SLC13A3: variants seen among roughly 807,000 people sequenced by gnomAD.
SLC13A3 encodes solute carrier family 13 member 3.
A neutral mutation model predicts 59.0 loss-of-function variants in SLC13A3; 40 were observed. The observed-to-expected ratio is 0.68, with a 90% CI of 0.53 to 0.88. SLC13A3 has a LOEUF of 0.88. Among genes scored for constraint, SLC13A3 ranks in the 40% least tolerant of loss-of-function variants. The pLI, the probability that SLC13A3 is intolerant of heterozygous loss-of-function variation, is 0.00. For missense variants in SLC13A3, 699 were observed against 783.2 expected, an observed-to-expected ratio of 0.89 and a Z score of 1.28; for synonymous variants, 317 against 330.3, an observed-to-expected ratio of 0.96 and a Z score of 0.44.
At position 46,590,133 on chromosome 20, in the gene SLC13A3, G is replaced by C. The variant is rs1435292413; in HGVS notation, c.921-878C>G. Among the ~76,000 whole-genome samples, 2 of 151,826 alleles carry C rather than the reference G, an allele frequency of 1.3e-5. 1 individual carries two copies. Among genetic ancestry groups the C allele is most frequent in the African/African-American group, 4.8e-5 (2 of 41,334 alleles). ...GTGTTAGGACACTGGGTGACCATTT[G>C]GGACAAAAAAAAGTGAAGTTGAATC... On this transcript the variant is annotated intron_variant, in intron 6 of 12. Transcript: ENST00000279027.
chr20:46,628,238 G>C (rs1204137251), intron 1 of SLC13A3, among the ~76,000 whole-genome samples: 1 of 152,186 alleles, frequency 6.6e-6, no homozygotes, highest in Non-Finnish European at 1.5e-5. Context: ...AGAGGTGTCT[G>C]ATTTTGCAGA....
chr20:46,568,576 C>T (rs847069), intron 10 of SLC13A3, among the ~76,000 whole-genome samples: 96,342 of 152,000 alleles, frequency 0.63, 30,683 homozygotes, highest in East Asian at 0.65. Flanking sequence ...GTTTCTGGTA[C>T]ACCTGCAGTT....
chr20:46,587,905 G>A (rs564936763), intron 8 of SLC13A3, among the ~76,000 whole-genome samples, 154 bp downstream of exon 8: 1 of 152,292 alleles, frequency 6.6e-6, no homozygotes, highest in Admixed American at 6.5e-5. Context: ...ACTCTTTTGA[G>A]AGTGAAAGAG....
intron 1 of SLC13A3, chr20:46,676,076 T>C (rs1464506936): frequency 6.6e-6 from 1 of 152,110 alleles, no homozygotes; most frequent in African/African-American, 2.4e-5. Context: ...GCCCGGCTAA[T>C]TTTTGTGTTT....
intron 12 of SLC13A3, among the ~76,000 whole-genome samples, chr20:46,562,438 G>T (rs1397283468): frequency 1.3e-5 from 2 of 152,030 alleles, no homozygotes; most frequent in Non-Finnish European, 1.5e-5. Flanking sequence ...GAGGCTGGCG[G>T]CTTCCCATGA....
intron 5 of SLC13A3, among the ~76,000 whole-genome samples, chr20:46,594,417 T>C (rs959201447): frequency 1.3e-5 from 2 of 152,044 alleles, no homozygotes; most frequent in Admixed American, 6.6e-5. Flanking sequence ...ACTGCTCCCC[T>C]CCAATTCTCT....
chr20:46,560,673 T>A (rs2061923239), intron 12 of SLC13A3, among the ~76,000 whole-genome samples: 1 of 152,174 alleles, frequency 6.6e-6, no homozygotes, highest in East Asian at 1.9e-4. Context: ...AACACACATA[T>A]GTACACATAG....
At chr20:46,622,611 G>A (rs1347273949) in intron 1 of SLC13A3, among the ~76,000 whole-genome samples, 2 of 123,974 alleles carry the variant, frequency 1.6e-5, no homozygotes, top group African/African-American at 5.9e-5. Flanking sequence ...GAATTGGTGT[G>A]TGGTGTGTGC....
intron 12 of SLC13A3, among the ~76,000 whole-genome samples, chr20:46,562,243 C>CCAAGT (rs1457071567): frequency 6.6e-6 from 1 of 152,170 alleles, no homozygotes; most frequent in Non-Finnish European, 1.5e-5. Context: ...GAATAAGATA[C>CCAAGT]CAAGTCTGTC....
chr20:46,595,455 T>C (rs2062301677), intron 5 of SLC13A3, among the ~76,000 whole-genome samples: 1 of 152,142 alleles, frequency 6.6e-6, no homozygotes, highest in Non-Finnish European at 1.5e-5. Context: ...GTGGGGAGAC[T>C]TTAGCTCCCA....
intron 3 of SLC13A3, among the ~76,000 whole-genome samples, chr20:46,608,215 T>C (rs2694898): frequency 0.023 from 3,524 of 152,332 alleles, 134 homozygotes; most frequent in African/African-American, 0.08. Flanking sequence ...GAATGGCTTC[T>C]ACATTTTCAA....
At chr20:46,605,610 T>A (rs1600549532) in intron 3 of SLC13A3, among the ~76,000 whole-genome samples, 2 of 151,984 alleles carry the variant, frequency 1.3e-5, no homozygotes. Flanking sequence ...CTGGGGAAAC[T>A]GAGGCCTAGA....
intron 2 of SLC13A3, among the ~76,000 whole-genome samples, chr20:46,612,124 C>CTTTTTTTTTTTTTTTT (rs57019153): frequency 4.4e-5 from 3 of 68,934 alleles, no homozygotes; most frequent in South Asian, 5.5e-4. Flanking sequence ...TCTCTCTTTG[C>CTTTTTTTTTTTTTTTT]TTTTTTTTTT....
intron 6 of SLC13A3, among the ~76,000 whole-genome samples, chr20:46,590,341 A>G (rs2062241065): frequency 6.6e-6 from 1 of 152,188 alleles, no homozygotes; most frequent in Non-Finnish European, 1.5e-5. Context: ...AAAAAAAATT[A>G]AAACAATTCT....
intron 1 of SLC13A3, among the ~76,000 whole-genome samples, chr20:46,638,186 GGGCA>G (rs2062812717): frequency 6.6e-6 from 1 of 152,190 alleles, no homozygotes; most frequent in Non-Finnish European, 1.5e-5. Context: ...ACCTGCGGCT[GGGCA>G]CTCTGTGGTG....
chr20:46,680,124 G>C (rs1169285263), intron 1 of SLC13A3, among the ~76,000 whole-genome samples: 5 of 152,136 alleles, frequency 3.3e-5, no homozygotes, highest in Non-Finnish European at 2.9e-5. Flanking sequence ...CCTTCAGGTA[G>C]GAGTTTTCAG....
chr20:46,566,243 C>T lies in SLC13A3; in HGVS notation c.1480G>A (p.Val494Ile). 1 of 1,613,544 alleles carries T rather than the reference C, an allele frequency of 6.2e-7. No individual in the cohort carries two copies. The highest frequency in any genetic ancestry group is 8.5e-7 in the Non-Finnish European group (1 of 1,179,610). ...AGGACCCTCACCAGCTCTGCCAGGA[C>T]CGGCAGGAAGATGATGATGGTCGCC... is the stretch of plus-strand genomic sequence containing the variant. ...NTATIIIFLP[V>I]LAELAIRLRV... Residue 494 changes from valine (V) to isoleucine (I), a missense_variant, in exon 11 of 13, where the codon GTC becomes ATC. Transcript: ENST00000279027.
chr20:46,632,986 C>T, intron 1 of SLC13A3, among the ~76,000 whole-genome samples: 3 of 151,354 alleles, frequency 2.0e-5, no homozygotes, highest in Non-Finnish European at 2.9e-5. Context: ...TATCTATCAT[C>T]TATCTATCTA....
intron 2 of SLC13A3, 123 bp downstream of exon 2, chr20:46,613,337 A>AAATAAATAAATAAATG (rs1416690795): frequency 1.4e-6 from 1 of 709,448 alleles, no homozygotes; most frequent in Non-Finnish European, 2.0e-6. Flanking sequence ...ATAAATAAAT[A>AAATAAATAAATAAATG]AATGGTGGGA....
Sources: gnomAD v4.1 joint callset for allele counts (sites outside exome capture counted in the v4.1 genomes callset) on GRCh38, gnomAD v4.1.1 for gene constraint, MANE v1.5 for transcripts, NCBI Gene and HGNC (gene_info 2026-07-23, HGNC 2026-07-21) for gene names.